Variants in ZDHHC20 observed in about 807,000 individuals in gnomAD.
ZDHHC20 encodes the protein zDHHC palmitoyltransferase 20.
A neutral mutation model predicts 57.8 loss-of-function variants in ZDHHC20; 43 were observed. The observed-to-expected ratio is 0.74, with a 90% CI of 0.58 to 0.96. The LOEUF is 0.96. Among genes scored for constraint, ZDHHC20 ranks in the 40% least tolerant of loss-of-function variants. The pLI is 0.00. For synonymous variants in ZDHHC20, 157 were observed against 153.0 expected (o/e 1.03, Z -0.19); for missense variants, 391 against 441.1 (o/e 0.89, Z 1.02).
At chr13:21,384,875 T>C (rs1435716691) in intron 9 of ZDHHC20, among the ~76,000 whole-genome samples, 1 of 151,866 alleles carries the variant, frequency 6.6e-6, no homozygotes, top group East Asian at 1.9e-4. Context: ...CCAATCTACA[T>C]AGGCAGCAAA....
At chr13:21,386,906 C>T (rs1874625678) in intron 9 of ZDHHC20, among the ~76,000 whole-genome samples, 1 of 152,148 alleles carries the variant, frequency 6.6e-6, no homozygotes, top group African/African-American at 2.4e-5. Flanking sequence ...GCAAATAAGT[C>T]ATTTTCAGAC....
At chr13:21,443,160 C>T (rs916499108) in intron 1 of ZDHHC20, among the ~76,000 whole-genome samples, 4 of 152,200 alleles carry the variant, frequency 2.6e-5, no homozygotes, top group Non-Finnish European at 5.9e-5. Context: ...TTTCTCTTTA[C>T]TATTAAATAT....
Position 21,395,409 on chromosome 13 carries a change from C to T in ZDHHC20, c.595-3555G>A, listed in dbSNP as rs9580098. Among the ~76,000 whole-genome samples the T allele has an allele frequency of 6.4e-3, 971 of 151,306 alleles. 10 individuals are homozygous for T. The highest frequency in any genetic ancestry group is 0.022 in the African/African-American group (924 of 41,204). ...TTAAGTATGTGACCTTCGGTAGTTG[C>T]ATAATTTCTCCAATTTGTTTCCAAC... On this transcript the variant is annotated intron_variant, in intron 7 of 12. Coordinates refer to ENST00000400590, the MANE Select transcript of ZDHHC20 (RefSeq NM_001330059.2).
At chr13:21,456,261 T>A (rs1226959407) in intron 1 of ZDHHC20, among the ~76,000 whole-genome samples, 2 of 151,802 alleles carry the variant, frequency 1.3e-5, no homozygotes, top group Non-Finnish European at 2.9e-5. Flanking sequence ...ACAAAAAAAA[T>A]TAGCTGGGCA....
At chr13:21,411,149 C>T (rs9506672) in intron 4 of ZDHHC20, among the ~76,000 whole-genome samples, 64,793 of 152,032 alleles carry the variant, frequency 0.43, 16,197 homozygotes, top group Non-Finnish European at 0.58. Context: ...CCGGGTGAGG[C>T]GACGCCCTAC....
At chr13:21,429,999 T>G (rs776465250) in intron 1 of ZDHHC20, among the ~76,000 whole-genome samples, 1 of 152,208 alleles carries the variant, frequency 6.6e-6, no homozygotes, top group Non-Finnish European at 1.5e-5. Context: ...CATAATTCAA[T>G]AGCAAATTGA....
At chr13:21,397,518 CG>C (rs1566076290) in intron 7 of ZDHHC20, among the ~76,000 whole-genome samples, 2 of 151,690 alleles carry the variant, frequency 1.3e-5, no homozygotes, top group African/African-American at 2.4e-5. Flanking sequence ...AAAAATTAGC[CG>C]GGCATGGTGG....
intron 1 of ZDHHC20, among the ~76,000 whole-genome samples, chr13:21,442,637 C>T (rs1386980937): frequency 6.6e-6 from 1 of 152,038 alleles, no homozygotes; most frequent in Non-Finnish European, 1.5e-5. Flanking sequence ...CGCTTATAAT[C>T]CCAGCTACTC....
intron 1 of ZDHHC20, among the ~76,000 whole-genome samples, chr13:21,443,712 T>G (rs561283043): frequency 6.6e-6 from 1 of 152,252 alleles, no homozygotes; most frequent in African/African-American, 2.4e-5. Flanking sequence ...CTTAATTACT[T>G]AGCGCATTAA....
At position 21,372,659 on chromosome 13, in the gene ZDHHC20, G is replaced by A. The variant is rs1296130579; in HGVS notation, c.*4037C>T. 1 of 152,182 alleles carries A rather than the reference G, an allele frequency of 6.6e-6. No homozygotes were observed. Among genetic ancestry groups the A allele is most frequent in the African/African-American group, 2.4e-5 (1 of 41,448 alleles). The allele number at this position is 152,182 out of a possible 1,614,324, so 9.4% of individuals were successfully genotyped here. On this transcript the variant is annotated 3_prime_UTR_variant, in exon 13 of 13. Coordinates refer to ENST00000400590, the MANE Select transcript of ZDHHC20 (RefSeq NM_001330059.2). ...TAAAATGTTCTGTGTACATGTCAAT[G>A]TAGGTTAGGCCAGCCAAAAGACAAA... is the stretch of plus-strand genomic sequence containing the variant.
chr13:21,381,999 A>C (rs1156765177), intron 10 of ZDHHC20: 2 of 496,190 alleles, frequency 4.0e-6, no homozygotes, highest in Non-Finnish European at 8.1e-6. Context: ...TTCTAGCTAA[A>C]AGATCCAGGG....
chr13:21,387,500 T>C lies in ZDHHC20; in HGVS notation c.854+8A>G, dbSNP rs751829113. On this transcript the variant is annotated splice_region_variant and intron_variant, in intron 9 of 12. Coordinates refer to ENST00000400590, the MANE Select transcript of ZDHHC20 (RefSeq NM_001330059.2). ...CATAATCTCTGAGACCCACATTTTA[T>C]AAATTACCTTGAAAATATTGGAAGT... The C allele has an allele frequency of 2.0e-6, 3 of 1,500,748 alleles. No homozygotes were observed. Among genetic ancestry groups the C allele is most frequent in the South Asian group, 2.7e-5 (2 of 73,116 alleles). The allele number at this position is 1,500,748 out of a possible 1,614,324, so 93.0% of individuals were successfully genotyped here.
chr13:21,448,851 C>G (rs1884142223), intron 1 of ZDHHC20, among the ~76,000 whole-genome samples: 1 of 89,058 alleles, frequency 1.1e-5, no homozygotes, highest in Non-Finnish European at 2.8e-5. Context: ...ACATGGGAGA[C>G]TTTTCATTTT....
chr13:21,459,064 CTCCACCACGTACGCGTAGT>C lies in ZDHHC20; in HGVS notation c.89_107del (p.Tyr30CysfsTer36). Reference sequence around the variant, plus strand: ...GGGGACGGTACTCACACACGCAGAGCTCCACCACGTACGCGTAGTAGGACCAGACGACCACGAAGGTGAT... The same window carrying C: ...GGGGACGGTACTCACACACGCAGAGCAGGACCAGACGACCACGAAGGTGAT... On this transcript the variant is annotated frameshift_variant, in exon 1 of 13. Transcript: ENST00000400590. LOFTEE classifies it high-confidence loss of function. 1 of 1,600,024 alleles carries C rather than the reference CTCCACCACGTACGCGTAGT, an allele frequency of 6.2e-7. No individual in the cohort carries two copies. The highest frequency in any genetic ancestry group is 1.7e-5 in the Admixed American group (1 of 58,732).
At chr13:21,446,196 T>A (rs1401098493) in intron 1 of ZDHHC20, among the ~76,000 whole-genome samples, 2 of 152,212 alleles carry the variant, frequency 1.3e-5, no homozygotes, top group Admixed American at 1.3e-4. Flanking sequence ...TGACTTGTAT[T>A]TTTTTAGCAG....
At position 21,406,318 on chromosome 13, in the gene ZDHHC20, T is replaced by C. The variant is rs148378486; in HGVS notation, c.371-3452A>G. 1.2e-3 allele frequency among the ~76,000 whole-genome samples: 182 copies of C among 152,372 alleles called. 1 individual carries two copies. Among genetic ancestry groups the C allele is most frequent in the African/African-American group, 4.0e-3 (167 of 41,580 alleles). On this transcript the variant is annotated intron_variant, in intron 4 of 12. Transcript: ENST00000400590. Reference sequence around the variant, plus strand: ...CTCCTGGACTTGATTCTTCTTATACTACTTACTCCTGCACATCTAATTGAC... The same window carrying C: ...CTCCTGGACTTGATTCTTCTTATACCACTTACTCCTGCACATCTAATTGAC...
chr13:21,432,320 G>A (rs1169909844), intron 1 of ZDHHC20, among the ~76,000 whole-genome samples: 1 of 143,610 alleles, frequency 7.0e-6, no homozygotes, highest in Non-Finnish European at 1.5e-5. Flanking sequence ...ATGCACCACA[G>A]TGTCCCACTA....
chr13:21,378,624 C>A, intron 12 of ZDHHC20, 37 bp downstream of exon 12: 1 of 1,143,784 alleles, frequency 8.7e-7, no homozygotes, highest in South Asian at 2.6e-5. Flanking sequence ...TGCAAATAAG[C>A]TGCATTTATT....
chr13:21,393,699 C>CAAAAAAAAAAAAAAAAAAA (rs71093307), intron 7 of ZDHHC20, among the ~76,000 whole-genome samples: 4 of 63,412 alleles, frequency 6.3e-5, no homozygotes, highest in African/African-American at 3.0e-4. Context: ...GCAAGTCTCA[C>CAAAAAAAAAAAAAAAAAAA]AAAAAAAAAA....
Sources: allele counts gnomAD v4.1 joint callset (sites outside exome capture counted in the v4.1 genomes callset), GRCh38; gene constraint gnomAD v4.1.1; transcripts MANE v1.5; gene names NCBI Gene and HGNC (gene_info 2026-07-23, HGNC 2026-07-21).